Variants in ABI2 observed in about 807,000 individuals in gnomAD.
The protein encoded by ABI2 is abelson interactor 2.
In ABI2, 25 loss-of-function variants were observed where a neutral mutation model predicts 59.2. That is an observed-to-expected ratio of 0.42 (90% confidence interval 0.31 to 0.59). The LOEUF (loss-of-function observed/expected upper bound fraction) is 0.59. ABI2 is among the 20% of genes least tolerant of loss of function. The pLI is 0.14. For synonymous variants in ABI2, 213 were observed against 235.5 expected, an observed-to-expected ratio of 0.90 and a Z score of 0.87; for missense variants, 545 against 681.8, an observed-to-expected ratio of 0.80 and a Z score of 2.23.
intron 4 of ABI2, among the ~76,000 whole-genome samples, chr2:203,383,584 C>T (rs1040591478): frequency 2.0e-5 from 3 of 152,154 alleles, no homozygotes; most frequent in Non-Finnish European, 2.9e-5. Flanking sequence ...CTTGTTTTCT[C>T]TAAGCCCCAG....
At chr2:203,379,594 A>T (rs1401278156) in intron 2 of ABI2, among the ~76,000 whole-genome samples, 1 of 152,190 alleles carries the variant, frequency 6.6e-6, no homozygotes, top group Non-Finnish European at 1.5e-5. Flanking sequence ...AGATGTTTAA[A>T]CATGAATAGA....
chr2:203,384,300 T>TG (rs1559289287), intron 4 of ABI2, among the ~76,000 whole-genome samples: 3,810 of 102,426 alleles, frequency 0.037, 285 homozygotes, highest in African/African-American at 0.12. Flanking sequence ...GTTTTTTTTT[T>TG]TTTTTTTTTT....
intron 1 of ABI2, among the ~76,000 whole-genome samples, chr2:203,362,974 G>GCAT (rs1449160099): frequency 6.6e-6 from 1 of 152,058 alleles, no homozygotes; most frequent in Non-Finnish European, 1.5e-5. Flanking sequence ...GGGACTACAG[G>GCAT]CATACACCAC....
At chr2:203,392,311 CCACCAA>C (rs1156960303) in intron 5 of ABI2, among the ~76,000 whole-genome samples, 1,628 of 89,586 alleles carry the variant, frequency 0.018, 27 homozygotes, top group Middle Eastern at 0.033. Flanking sequence ...ACCACCACCA[CCACCAA>C]CAACAACAAC....
chr2:203,431,914 CA>C lies in ABI2; in HGVS notation c.*4568del, dbSNP rs2098486934. ...GCACCATTTTTCTTAAAATGGCTTA[CA>C]AAAAAGAATGTAAACAATTTGTGAT... On this transcript the variant is annotated 3_prime_UTR_variant, in exon 12 of 12. Coordinates refer to ENST00000261018, the MANE Select transcript of ABI2 (RefSeq NM_001375670.1). 6.6e-6 allele frequency: 1 copy of C among 152,014 alleles called. No homozygotes were observed. Among genetic ancestry groups the C allele is most frequent in the Non-Finnish European group, 1.5e-5 (1 of 67,998 alleles). 9.4% of individuals were successfully genotyped at this position (152,014 alleles called of 1,614,324 possible). A position where few individuals can be genotyped will look rare whatever the true frequency, so the allele number is the denominator to read the frequency against.
At chr2:203,335,168 C>G (rs2075882129) in intron 1 of ABI2, among the ~76,000 whole-genome samples, 1 of 152,214 alleles carries the variant, frequency 6.6e-6, no homozygotes, top group Non-Finnish European at 1.5e-5. Context: ...TCTCCATATA[C>G]TAGCCACTCA....
At chr2:203,363,491 A>G (rs904709775) in intron 1 of ABI2, among the ~76,000 whole-genome samples, 3 of 145,964 alleles carry the variant, frequency 2.1e-5, no homozygotes, top group African/African-American at 5.1e-5. Context: ...CTACCTCCCT[A>G]TCTTTCCCTC....
chr2:203,384,944 C>G (rs1317847642), intron 4 of ABI2, among the ~76,000 whole-genome samples: 1 of 150,460 alleles, frequency 6.6e-6, no homozygotes, highest in Admixed American at 6.6e-5. Flanking sequence ...AGGCGATTCT[C>G]CAGCCTCAGC....
At chr2:203,357,872 G>A (rs1000884395) in intron 1 of ABI2, among the ~76,000 whole-genome samples, 8 of 151,976 alleles carry the variant, frequency 5.3e-5, no homozygotes, top group Non-Finnish European at 2.9e-5. Context: ...GGCTTCAAAC[G>A]ATTCTCCTGC....
intron 5 of ABI2, chr2:203,394,361 T>C (rs1399784601): frequency 4.9e-5 from 10 of 203,382 alleles, no homozygotes; most frequent in Non-Finnish European, 9.8e-5. Context: ...TGGGAGACTT[T>C]AATATGATAC....
chr2:203,373,037 C>A (rs575430089), intron 2 of ABI2, among the ~76,000 whole-genome samples: 1 of 152,078 alleles, frequency 6.6e-6, no homozygotes, highest in Non-Finnish European at 1.5e-5. Flanking sequence ...CACGCAGAGA[C>A]GCTCCTCACT....
At chr2:203,358,658 C>A (rs2092807686) in intron 1 of ABI2, among the ~76,000 whole-genome samples, 1 of 152,004 alleles carries the variant, frequency 6.6e-6, no homozygotes, top group Non-Finnish European at 1.5e-5. Context: ...TGTTTTAGGC[C>A]TTGTATATTA....
At chr2:203,364,014 T>G (rs1218847873) in intron 1 of ABI2, among the ~76,000 whole-genome samples, 1 of 152,086 alleles carries the variant, frequency 6.6e-6, no homozygotes, top group East Asian at 1.9e-4. Flanking sequence ...TCTGCCCACC[T>G]TGGCCTCCCA....
chr2:203,351,866 T>C (rs1442578940), intron 1 of ABI2, among the ~76,000 whole-genome samples: 1 of 152,174 alleles, frequency 6.6e-6, no homozygotes, highest in East Asian at 1.9e-4. Context: ...CGTACAGTCA[T>C]GCGCAGCATA....
At chr2:203,370,759 G>T (rs184603410) in intron 2 of ABI2, among the ~76,000 whole-genome samples, 1 of 152,222 alleles carries the variant, frequency 6.6e-6, no homozygotes, top group East Asian at 1.9e-4. Context: ...TTGAGTTGAA[G>T]GAATGGAGGG....
At chr2:203,395,325 G>A (rs2096927431) in intron 6 of ABI2, among the ~76,000 whole-genome samples, 1 of 151,584 alleles carries the variant, frequency 6.6e-6, no homozygotes, top group Non-Finnish European at 1.5e-5. Flanking sequence ...TTGTTTTAAT[G>A]TGTTAAACCT....
At chr2:203,351,278 T>C (rs1184330673) in intron 1 of ABI2, among the ~76,000 whole-genome samples, 1 of 152,236 alleles carries the variant, frequency 6.6e-6, no homozygotes, top group Non-Finnish European at 1.5e-5. Context: ...ACGTATCTTC[T>C]ACCTTTGTTC....
Position 203,411,404 on chromosome 2 carries a change from G to GA in ABI2, c.1279+34dup, listed in dbSNP as rs1191720708. 2.0e-6 allele frequency: 3 copies of GA among 1,526,486 alleles called. No individual in the cohort carries two copies. The African/African-American group carries it at 4.1e-5, about 21-fold the overall frequency. The allele number at this position is 1,526,486 out of a possible 1,614,324, so 94.6% of individuals were successfully genotyped here. A position where few individuals can be genotyped will look rare whatever the true frequency, so the allele number is the denominator to read the frequency against. ...TATGTCTTCTTTATGCTGTAGATCAGATTGTAGGCATAAAATGTCATTTAT... is the reference window on the plus strand; with the variant it reads ...TATGTCTTCTTTATGCTGTAGATCAGAATTGTAGGCATAAAATGTCATTTAT... On this transcript the variant is annotated intron_variant, in intron 10 of 11. Transcript: ENST00000261018.
chr2:203,422,946 C>T (rs1420369107), intron 11 of ABI2, among the ~76,000 whole-genome samples: 2 of 152,134 alleles, frequency 1.3e-5, no homozygotes, highest in African/African-American at 4.8e-5. Flanking sequence ...GAACTTTTTT[C>T]CATATAAATA....
Sources: allele counts gnomAD v4.1 joint callset (sites outside exome capture counted in the v4.1 genomes callset), GRCh38; gene constraint gnomAD v4.1.1; transcripts MANE v1.5; gene names NCBI Gene and HGNC (gene_info 2026-07-23, HGNC 2026-07-21).